CD109: variants seen among roughly 807,000 people sequenced by gnomAD.
The protein encoded by CD109 is CD109 antigen.
CD109 carries 149 observed loss-of-function variants against 165.8 expected under a neutral mutation model. The observed-to-expected ratio is 0.90, with a 90% CI of 0.79 to 1.03. CD109 has a LOEUF of 1.03. Ranked by LOEUF, CD109 falls within the 50% of genes least tolerant of loss-of-function variation. The pLI is 0.00. For missense variants in CD109, 1,712 were observed against 1,677.8 expected, an observed-to-expected ratio of 1.02 and a Z score of -0.36; for synonymous variants, 585 against 592.1, an observed-to-expected ratio of 0.99 and a Z score of 0.18.
At position 73,808,138 on chromosome 6, in the gene CD109, G is replaced by A; in HGVS notation, c.3245G>A (p.Gly1082Glu). 1 of 1,613,262 alleles carries A rather than the reference G, an allele frequency of 6.2e-7. No individual in the cohort carries two copies. The highest frequency in any genetic ancestry group is 8.5e-7 in the Non-Finnish European group (1 of 1,179,498). The part of the protein sequence containing the change: ...IHFLESEFSR[G>E]ISDNYTLALI... ...TTTTTGGAGTCTGAATTCAGTAGAG[G>A]AATTTCAGACAATTATACTCTAGCC... Residue 1082 changes from glycine to glutamate, a missense_variant, in exon 26 of 33, where the codon GGA becomes GAA. Coordinates refer to ENST00000287097, the MANE Select transcript of CD109 (RefSeq NM_133493.5).
intron 5 of CD109, among the ~76,000 whole-genome samples, chr6:73,745,611 C>T (rs1044354206): frequency 6.6e-6 from 1 of 152,146 alleles, no homozygotes; most frequent in African/African-American, 2.4e-5. Flanking sequence ...GATTTGAGTC[C>T]AGCATGTAGG....
intron 3 of CD109, among the ~76,000 whole-genome samples, chr6:73,729,836 G>C (rs1243433791): frequency 6.6e-6 from 1 of 152,036 alleles, no homozygotes; most frequent in Non-Finnish European, 1.5e-5. Flanking sequence ...ATTAATAGTA[G>C]TAGTAGAAGT....
intron 14 of CD109, among the ~76,000 whole-genome samples, chr6:73,770,166 CT>C: frequency 6.6e-6 from 1 of 152,230 alleles, no homozygotes; most frequent in East Asian, 1.9e-4. Context: ...GATGATTATA[CT>C]TCAAAGGGAT....
rs573917401 is a variant in CD109, at chr6:73,776,322, G to A, written c.1828-4102G>A. Among the ~76,000 whole-genome samples the A allele has an allele frequency of 7.9e-5, 12 of 151,856 alleles. No homozygotes were observed. In the South Asian group the frequency reaches 2.5e-3, roughly 32 times the overall value. On this transcript the variant is annotated intron_variant, in intron 15 of 32. Coordinates refer to ENST00000287097, the MANE Select transcript of CD109 (RefSeq NM_133493.5). ...GGCTGGAGTGCGGTGGTGTGATCTC[G>A]GCTCACTGCAACCTCTGCCTCCCAG...
chr6:73,817,122 A>G (rs1775965540), intron 30 of CD109, among the ~76,000 whole-genome samples: 2 of 152,220 alleles, frequency 1.3e-5, no homozygotes, highest in African/African-American at 2.4e-5. Context: ...TTATAAAAAG[A>G]TTACTTGATA....
At chr6:73,750,987 C>T (rs1177637534) in intron 5 of CD109, among the ~76,000 whole-genome samples, 5 of 151,968 alleles carry the variant, frequency 3.3e-5, no homozygotes, top group African/African-American at 4.8e-5. Flanking sequence ...TTAATATGTC[C>T]AGTCTAATAA....
rs1356851121 is a variant in CD109 at position 73,768,120 on chromosome 6, A to G, written c.1563A>G (p.Pro521=). ...KQNSTMFSLT[P]ENSWTPKACV... is the part of the protein sequence containing the mutation. ...ATTCAACAATGTTCTCTTTAACACCAGAAAATTCTTGGACTCCAAAAGCCT... is the reference window on the plus strand; with the variant it reads ...ATTCAACAATGTTCTCTTTAACACCGGAAAATTCTTGGACTCCAAAAGCCT... Residue 521 remains proline, a synonymous_variant, in exon 14 of 33, where the codon CCA becomes CCG. Coordinates refer to ENST00000287097, the MANE Select transcript of CD109 (RefSeq NM_133493.5). 1 of 1,612,948 alleles carries G rather than the reference A, an allele frequency of 6.2e-7. No individual in the cohort carries two copies. The highest frequency in any genetic ancestry group is 8.5e-7 in the Non-Finnish European group (1 of 1,179,052).
rs751474983 is a variant in CD109 at position 73,803,302 on chromosome 6, G to A, written c.2960+1G>A. 2.1e-5 allele frequency: 34 copies of A among 1,610,438 alleles called. 1 individual carries two copies. The South Asian group carries it at 3.8e-4, about 18-fold the overall frequency. On this transcript the variant is annotated splice_donor_variant, in intron 24 of 32. Transcript: ENST00000287097. LOFTEE classifies it high-confidence loss of function. Reference sequence around the variant, plus strand: ...ATTATGACCCTTCTGGGAGCACTTGGTAAGTGTTTTTGCCAACTGAACAAA... The same window carrying A: ...ATTATGACCCTTCTGGGAGCACTTGATAAGTGTTTTTGCCAACTGAACAAA...
At chr6:73,740,958 C>G (rs1041607117) in intron 5 of CD109, among the ~76,000 whole-genome samples, 1 of 152,126 alleles carries the variant, frequency 6.6e-6, no homozygotes, top group Non-Finnish European at 1.5e-5. Flanking sequence ...ACTTACCAAA[C>G]TAGGATTAGA....
chr6:73,719,601 T>C (rs1276620133), intron 2 of CD109, among the ~76,000 whole-genome samples: 1 of 152,212 alleles, frequency 6.6e-6, no homozygotes, highest in Non-Finnish European at 1.5e-5. Context: ...GACCATAATA[T>C]TTTAAATTAA....
In CD109 at chr6:73,826,818, T is replaced by C. The variant is rs1776290944; in HGVS notation, c.*3185T>C. 6.6e-6 allele frequency: 1 copy of C among 151,856 alleles called. No individual in the cohort carries two copies. Among genetic ancestry groups the C allele is most frequent in the African/African-American group, 2.4e-5 (1 of 41,374 alleles). 9.4% of individuals were successfully genotyped at this position (151,856 alleles called of 1,614,324 possible). A position where few individuals can be genotyped will look rare whatever the true frequency, so the allele number is the denominator to read the frequency against. ...TATTCAGAATTGTAGATAGCATAAC[T>C]CTCCCTGCTCCTATTCTTTTGAGCC... On this transcript the variant is annotated 3_prime_UTR_variant, in exon 33 of 33. Coordinates refer to ENST00000287097, the MANE Select transcript of CD109 (RefSeq NM_133493.5).
chr6:73,803,413 G>T, intron 24 of CD109, 112 bp downstream of exon 24: 1 of 681,256 alleles, frequency 1.5e-6, no homozygotes, highest in South Asian at 1.9e-5. Context: ...CTGGGAGGTT[G>T]CTTTTTCCTT....
chr6:73,771,721 T>C, intron 15 of CD109, 140 bp downstream of exon 15: 2 of 541,362 alleles, frequency 3.7e-6, no homozygotes, highest in Non-Finnish European at 6.1e-6. Context: ...AGCTTCCAAA[T>C]AAAAAGTAAT....
the CD109 span, among the ~76,000 whole-genome samples, chr6:73,685,771 T>C: frequency 6.6e-6 from 1 of 152,234 alleles, no homozygotes; most frequent in Non-Finnish European, 1.5e-5. Context: ...ATAGCTTAGC[T>C]TTCACTTATA....
chr6:73,761,642 C>A (rs1773635925), intron 7 of CD109, among the ~76,000 whole-genome samples: 1 of 152,060 alleles, frequency 6.6e-6, no homozygotes, highest in Admixed American at 6.5e-5. Context: ...CTGCCTCAGC[C>A]TCCAAGTAGC....
chr6:73,816,900 G>C (rs542652387), intron 30 of CD109, among the ~76,000 whole-genome samples: 13 of 152,268 alleles, frequency 8.5e-5, no homozygotes, highest in African/African-American at 3.1e-4. Context: ...GCATTTATAG[G>C]GGTTCATGTA....
intron 5 of CD109, among the ~76,000 whole-genome samples, chr6:73,739,878 A>C (rs1427242324): frequency 3.9e-5 from 6 of 152,002 alleles, no homozygotes. Flanking sequence ...TAAATTTTTT[A>C]ATTTGTAAGA....
intron 15 of CD109, among the ~76,000 whole-genome samples, chr6:73,779,493 C>T (rs1368813331): frequency 6.6e-6 from 1 of 152,088 alleles, no homozygotes; most frequent in African/African-American, 2.4e-5. Flanking sequence ...CATGATCCGC[C>T]CGCCTCGGCC....
At chr6:73,739,524 A>G (rs908415247) in intron 5 of CD109, among the ~76,000 whole-genome samples, 1 of 152,206 alleles carries the variant, frequency 6.6e-6, no homozygotes, top group African/African-American at 2.4e-5. Context: ...CATTCTCAAT[A>G]TAAAACTCAG....
Sources: gnomAD v4.1 joint callset for allele counts (sites outside exome capture counted in the v4.1 genomes callset) on GRCh38, gnomAD v4.1.1 for gene constraint, MANE v1.5 for transcripts, NCBI Gene and HGNC (gene_info 2026-07-23, HGNC 2026-07-21) for gene names.